Variants in FOCAD observed in about 807,000 individuals in gnomAD.
FOCAD encodes focadhesin.
Under a neutral mutation model 225.6 loss-of-function variants are expected in FOCAD, and 198 were observed. The observed-to-expected ratio is 0.88, with a 90% CI of 0.78 to 0.99. The LOEUF (loss-of-function observed/expected upper bound fraction) is 0.99. Among genes scored for constraint, FOCAD ranks in the 50% least tolerant of loss-of-function variants. The pLI is 0.00. For synonymous variants in FOCAD, 897 were observed against 755.0 expected (o/e 1.19, Z -3.08); for missense variants, 2,713 against 2,123.6 (o/e 1.28, Z -5.46).
Position 20,770,165 on chromosome 9 carries a change from T to G in FOCAD, c.833T>G (p.Val278Gly). 6.2e-7 allele frequency: 1 copy of G among 1,614,084 alleles called. No homozygotes were observed. The highest frequency in any genetic ancestry group is 2.2e-5 in the East Asian group (1 of 44,874). The change falls in exon 8 of 44, where the codon GTC becomes GGC. Residue 278 changes from valine (V) to glycine (G), a missense_variant. Val to Gly is a moderately radical substitution (Grantham distance 109, BLOSUM62 -3). Transcript: ENST00000338382. ...MSLQLLCVSE[V>G]SLKITGECSS... ...CTTCAGCTGCTGTGTGTCAGTGAAG[T>G]CAGCTTAAAGATAACTGGTGAATGT...
intron 21 of FOCAD, among the ~76,000 whole-genome samples, chr9:20,905,553 T>C (rs948134183): frequency 2.0e-5 from 3 of 151,960 alleles, no homozygotes; most frequent in Non-Finnish European, 4.4e-5. Flanking sequence ...AACATTTTGG[T>C]TGTGGTGATT....
At chr9:20,772,779 A>G (rs1818365892) in intron 8 of FOCAD, among the ~76,000 whole-genome samples, 2 of 152,118 alleles carry the variant, frequency 1.3e-5, no homozygotes, top group African/African-American at 4.8e-5. Flanking sequence ...GGAAGACTCA[A>G]GTATTACAAG....
chr9:20,711,622 G>A lies in FOCAD; in HGVS notation c.-32-3700G>A, dbSNP rs898249155. Among the ~76,000 whole-genome samples, 64 of 152,202 alleles carry A rather than the reference G, an allele frequency of 4.2e-4. 1 individual carries two copies. The highest frequency in any genetic ancestry group is 6.6e-4 in the Non-Finnish European group (45 of 68,032). On this transcript the variant is annotated intron_variant, in intron 1 of 43. Transcript: ENST00000338382. ...TGGAAAGAAGGAAGCCGATTTTGTGGCTGACTGGATTTAGAGAGTGGTGGT... is the reference window on the plus strand; with the variant it reads ...TGGAAAGAAGGAAGCCGATTTTGTGACTGACTGGATTTAGAGAGTGGTGGT...
intron 5 of FOCAD, among the ~76,000 whole-genome samples, chr9:20,752,289 T>C (rs1367034595): frequency 1.3e-5 from 2 of 151,158 alleles, no homozygotes; most frequent in Admixed American, 1.3e-4. Flanking sequence ...TTTATGGTTT[T>C]AGGTCTAACG....
At chr9:20,798,961 T>C (rs976678369) in intron 11 of FOCAD, among the ~76,000 whole-genome samples, 27 of 152,232 alleles carry the variant, frequency 1.8e-4, no homozygotes, top group African/African-American at 6.3e-4. Flanking sequence ...TTTAGATCTT[T>C]CCTGCTTTCT....
At chr9:20,957,673 CTTTTTTTTTTTT>C (rs775116988) in intron 35 of FOCAD, 8 of 38,436 alleles carry the variant, frequency 2.1e-4, no homozygotes, top group South Asian at 2.5e-3. Context: ...ATCTCTCTCT[CTTTTTTTTTTTT>C]TTTTTTTTTT....
intron 19 of FOCAD, among the ~76,000 whole-genome samples, chr9:20,879,096 C>T (rs1830467108): frequency 6.6e-6 from 1 of 152,142 alleles, no homozygotes; most frequent in Non-Finnish European, 1.5e-5. Context: ...ACCCCCAACC[C>T]CAAATAATGC....
intron 5 of FOCAD, among the ~76,000 whole-genome samples, chr9:20,751,210 G>C (rs1828511091): frequency 6.7e-6 from 1 of 149,584 alleles, no homozygotes; most frequent in Non-Finnish European, 1.5e-5. Flanking sequence ...TGCACAATGT[G>C]CAGGTTAGTT....
chr9:20,876,838 G>A (rs1830269396), intron 19 of FOCAD, among the ~76,000 whole-genome samples: 1 of 152,152 alleles, frequency 6.6e-6, no homozygotes, highest in Non-Finnish European at 1.5e-5. Flanking sequence ...AGTGGGTTGT[G>A]CTGAATTTAA....
chr9:20,671,785 C>G (rs971348920), intron 2 of FOCAD, among the ~76,000 whole-genome samples: 5 of 152,172 alleles, frequency 3.3e-5, no homozygotes, highest in African/African-American at 1.2e-4. Flanking sequence ...TGTGCCGACT[C>G]TCTCAAAACT....
chr9:20,953,802 G>A (rs1378593175), intron 35 of FOCAD, among the ~76,000 whole-genome samples: 1 of 152,046 alleles, frequency 6.6e-6, no homozygotes, highest in African/African-American at 2.4e-5. Context: ...TTCTTCCTTG[G>A]CTAGGTCAGT....
At chr9:20,909,992 A>G (rs1302560587) in intron 22 of FOCAD, among the ~76,000 whole-genome samples, 1 of 152,086 alleles carries the variant, frequency 6.6e-6, no homozygotes, top group African/African-American at 2.4e-5. Flanking sequence ...ACTAAAAGGT[A>G]GATTCTCCAT....
intron 28 of FOCAD, among the ~76,000 whole-genome samples, chr9:20,934,852 C>A (rs547802354): frequency 1.4e-5 from 2 of 142,276 alleles, no homozygotes; most frequent in African/African-American, 5.0e-5. Context: ...ATCAAGAACC[C>A]CACCCCTTTT....
At chr9:20,937,800 G>A (rs1224639701) in intron 28 of FOCAD, among the ~76,000 whole-genome samples, 1 of 152,134 alleles carries the variant, frequency 6.6e-6, no homozygotes, top group Non-Finnish European at 1.5e-5. Flanking sequence ...GCAACCTACA[G>A]AATGGGAGAG....
chr9:20,896,026 T>TCAAAA (rs1181755046), intron 21 of FOCAD, among the ~76,000 whole-genome samples: 3 of 151,840 alleles, frequency 2.0e-5, no homozygotes, highest in Admixed American at 2.0e-4. Flanking sequence ...TCTTATCAAG[T>TCAAAA]TGAGGAAGTT....
chr9:20,679,094 G>A (rs1191039550), intron 2 of FOCAD, among the ~76,000 whole-genome samples: 9 of 150,286 alleles, frequency 6.0e-5, no homozygotes, highest in Non-Finnish European at 1.3e-4. Flanking sequence ...AGAAGACAAG[G>A]TCAAAGGGGC....
At chr9:20,766,795 C>G (rs938882331) in intron 7 of FOCAD, among the ~76,000 whole-genome samples, 4 of 151,932 alleles carry the variant, frequency 2.6e-5, no homozygotes, top group Non-Finnish European at 5.9e-5. Flanking sequence ...AAATGATCAT[C>G]TTAGAGATGA....
upstream of FOCAD, chr9:20,683,447 A>T (rs77881358): frequency 0.037 from 5,709 of 152,254 alleles, 137 homozygotes; most frequent in Middle Eastern, 0.12. Context: ...CCACTCCGTC[A>T]TACCAGTCTC....
chr9:20,689,371 AG>A (rs1822844952), intron 1 of FOCAD, among the ~76,000 whole-genome samples: 1 of 140,796 alleles, frequency 7.1e-6, no homozygotes, highest in Non-Finnish European at 1.5e-5. Context: ...CTAATTTCCG[AG>A]GTTTAGATTG....
Sources: gnomAD v4.1 joint callset for allele counts (sites outside exome capture counted in the v4.1 genomes callset) on GRCh38, gnomAD v4.1.1 for gene constraint, MANE v1.5 for transcripts, NCBI Gene and HGNC (gene_info 2026-07-23, HGNC 2026-07-21) for gene names.